SHISA9: variants seen among roughly 807,000 people sequenced by gnomAD.
The protein encoded by SHISA9 is protein shisa-9.
SHISA9 carries 13 observed loss-of-function variants against 38.0 expected under a neutral mutation model. The ratio of observed to expected loss-of-function variants is 0.34; its 90% CI spans 0.22 to 0.54. SHISA9 has a LOEUF of 0.54. SHISA9 is among the 20% of genes least tolerant of loss of function. The probability of loss-of-function intolerance (pLI) is 0.91; values close to 1 mark genes in which losing one functional copy is unlikely to be tolerated. For missense variants in SHISA9, 538 were observed against 575.8 expected, an observed-to-expected ratio of 0.93 and a Z score of 0.67; for synonymous variants, 275 against 242.0, an observed-to-expected ratio of 1.14 and a Z score of -1.27.
At chr16:13,102,080 C>A (rs1191691531) in intron 2 of SHISA9, among the ~76,000 whole-genome samples, 1 of 152,196 alleles carries the variant, frequency 6.6e-6, no homozygotes, top group Non-Finnish European at 1.5e-5. Flanking sequence ...CATTCCCCGA[C>A]TGTCCCCTCC....
chr16:13,138,722 CTTGTTCACATGCAAAGAA>C (rs1179525479), intron 2 of SHISA9, among the ~76,000 whole-genome samples: 1 of 152,230 alleles, frequency 6.6e-6, no homozygotes, highest in Non-Finnish European at 1.5e-5. Flanking sequence ...CATATCATCT[CTTGTTCACATGCAAAGAA>C]TTGCTGCCCT....
intron 2 of SHISA9, among the ~76,000 whole-genome samples, chr16:13,174,944 A>G (rs150077): frequency 2.0e-5 from 3 of 152,100 alleles, no homozygotes; most frequent in African/African-American, 7.2e-5. Context: ...AGAGAAATTT[A>G]TGACTGGGTC....
At chr16:13,069,953 C>G (rs13334277) in intron 2 of SHISA9, among the ~76,000 whole-genome samples, 7,929 of 152,180 alleles carry the variant, frequency 0.052, 346 homozygotes, top group Admixed American at 0.14. Context: ...TCCCGGCCTG[C>G]AGAACGGTGG....
the SHISA9 span, chr16:13,350,632 T>C: frequency 6.6e-6 from 1 of 152,260 alleles, no homozygotes; most frequent in Non-Finnish European, 1.5e-5. Context: ...TGCCTCTGTA[T>C]ACCAATTGCA....
intron 2 of SHISA9, among the ~76,000 whole-genome samples, chr16:13,097,411 G>T (rs980331519): frequency 1.3e-5 from 2 of 150,088 alleles, no homozygotes; most frequent in African/African-American, 2.5e-5. Context: ...TAGTGGCATT[G>T]TCTGATCAGT....
the SHISA9 span, among the ~76,000 whole-genome samples, chr16:13,247,873 A>G: frequency 4.6e-5 from 7 of 152,362 alleles, no homozygotes; most frequent in African/African-American, 1.4e-4. Context: ...TCAACATCCA[A>G]ATAGAACACT....
At chr16:12,912,348 G>C (rs1296793402) in intron 1 of SHISA9, among the ~76,000 whole-genome samples, 1 of 152,132 alleles carries the variant, frequency 6.6e-6, no homozygotes, top group Non-Finnish European at 1.5e-5. Flanking sequence ...AAGCCCAGGG[G>C]ATCTGCGGAT....
intron 2 of SHISA9, chr16:13,082,527 C>T (rs1474527109): frequency 6.6e-6 from 1 of 152,200 alleles, no homozygotes; most frequent in Non-Finnish European, 1.5e-5. Flanking sequence ...ACCTCCTTCT[C>T]ATGTCCCGGC....
At chr16:13,415,977 T>G in the SHISA9 span, among the ~76,000 whole-genome samples, 1 of 152,140 alleles carries the variant, frequency 6.6e-6, no homozygotes, top group African/African-American at 2.4e-5. Flanking sequence ...TGGGAAGTAG[T>G]GACTAGAACA....
chr16:13,391,282 C>T, the SHISA9 span, among the ~76,000 whole-genome samples: 1 of 152,138 alleles, frequency 6.6e-6, no homozygotes, highest in Non-Finnish European at 1.5e-5. Flanking sequence ...TTAACTTAGT[C>T]TTGGTATAAT....
At chr16:13,333,148 T>C in the SHISA9 span, among the ~76,000 whole-genome samples, 1 of 152,164 alleles carries the variant, frequency 6.6e-6, no homozygotes, top group African/African-American at 2.4e-5. Context: ...GGGGTTGAAG[T>C]TGTCAGTGCA....
chr16:13,394,785 T>A, the SHISA9 span, among the ~76,000 whole-genome samples: 1 of 152,230 alleles, frequency 6.6e-6, no homozygotes, highest in African/African-American at 2.4e-5. Flanking sequence ...TTAATTGCTG[T>A]AGAAGAATCA....
intron 2 of SHISA9, among the ~76,000 whole-genome samples, chr16:13,152,556 A>T (rs2050508688): frequency 6.6e-6 from 1 of 152,206 alleles, no homozygotes; most frequent in Non-Finnish European, 1.5e-5. Context: ...CCTGTCACTG[A>T]AATGATTGGA....
chr16:13,106,059 C>A (rs2073922963), intron 2 of SHISA9, among the ~76,000 whole-genome samples: 1 of 152,074 alleles, frequency 6.6e-6, no homozygotes, highest in African/African-American at 2.4e-5. Flanking sequence ...ATTATTTTTG[C>A]AGATGAGGAA....
chr16:13,346,438 C>A, the SHISA9 span, among the ~76,000 whole-genome samples: 1 of 152,080 alleles, frequency 6.6e-6, no homozygotes, highest in Non-Finnish European at 1.5e-5. Context: ...GCATCAGTGT[C>A]GACCGAAAAC....
At chr16:13,015,993 T>TCCCCTTCC (rs2072752952) in intron 2 of SHISA9, among the ~76,000 whole-genome samples, 1 of 92,750 alleles carries the variant, frequency 1.1e-5, no homozygotes, top group Non-Finnish European at 2.1e-5. Flanking sequence ...TCCCTTCTTT[T>TCCCCTTCC]CTTTTCTTCC....
chr16:12,982,937 C>G (rs1386844799), intron 2 of SHISA9, among the ~76,000 whole-genome samples: 2 of 152,204 alleles, frequency 1.3e-5, no homozygotes, highest in Non-Finnish European at 2.9e-5. Context: ...TTCCCCATCC[C>G]CATCATCTTA....
chr16:12,955,241 T>C (rs2071813639), intron 2 of SHISA9, among the ~76,000 whole-genome samples: 1 of 152,144 alleles, frequency 6.6e-6, no homozygotes, highest in African/African-American at 2.4e-5. Flanking sequence ...ACACAAGTAT[T>C]TTTTCTCCTC....
At chr16:13,028,429 C>G (rs1188331133) in intron 2 of SHISA9, among the ~76,000 whole-genome samples, 1 of 151,970 alleles carries the variant, frequency 6.6e-6, no homozygotes, top group Non-Finnish European at 1.5e-5. Flanking sequence ...CTGGGGAGGC[C>G]TCACAATCAT....
Sources: allele counts gnomAD v4.1 joint callset (sites outside exome capture counted in the v4.1 genomes callset), GRCh38; gene constraint gnomAD v4.1.1; transcripts MANE v1.5; gene names NCBI Gene and HGNC (gene_info 2026-07-23, HGNC 2026-07-21).